The following SHISA9 variants were observed in gnomAD, a reference collection of about 807,000 sequenced individuals.
The protein encoded by SHISA9 is protein shisa-9.
In SHISA9, 13 loss-of-function variants were observed where a neutral mutation model predicts 38.0. The observed-to-expected ratio is 0.34, with a 90% CI of 0.22 to 0.54. SHISA9 has a LOEUF of 0.54. Ranked by LOEUF, SHISA9 falls within the 20% of genes least tolerant of loss-of-function variation. The pLI is 0.91. For missense variants in SHISA9, 538 were observed against 575.8 expected (o/e 0.93, Z 0.67); for synonymous variants, 275 against 242.0 (o/e 1.14, Z -1.27).
the SHISA9 span, among the ~76,000 whole-genome samples, chr16:13,534,708 C>G: frequency 6.6e-6 from 1 of 152,176 alleles, no homozygotes; most frequent in South Asian, 2.1e-4. Flanking sequence ...GGGAAACTCT[C>G]CTTCAGTCTT....
At chr16:12,965,612 G>A (rs997207044) in intron 2 of SHISA9, among the ~76,000 whole-genome samples, 5 of 152,182 alleles carry the variant, frequency 3.3e-5, no homozygotes, top group African/African-American at 9.6e-5. Flanking sequence ...CTTAGGAGGT[G>A]GCTGCTTTTT....
chr16:12,924,843 A>T (rs1596532047), intron 2 of SHISA9, among the ~76,000 whole-genome samples: 1 of 152,312 alleles, frequency 6.6e-6, no homozygotes, highest in Non-Finnish European at 1.5e-5. Flanking sequence ...TTTGCTGTGT[A>T]CTTGTTCACT....
the SHISA9 span, among the ~76,000 whole-genome samples, chr16:13,368,208 AG>A: frequency 9.7e-4 from 148 of 152,256 alleles, 1 homozygote; most frequent in African/African-American, 3.3e-3. Context: ...GTGAAATTGT[AG>A]GGATGATTTT....
chr16:13,220,210 C>G (rs1379949950), intron 4 of SHISA9, among the ~76,000 whole-genome samples: 1 of 152,186 alleles, frequency 6.6e-6, no homozygotes, highest in Non-Finnish European at 1.5e-5. Flanking sequence ...TTTCACCCAT[C>G]TCTCTGGGAG....
intron 2 of SHISA9, among the ~76,000 whole-genome samples, chr16:13,093,080 CT>C (rs968425924): frequency 1.2e-4 from 19 of 152,252 alleles, no homozygotes; most frequent in Admixed American, 6.5e-4. Context: ...AGGAATATAG[CT>C]TTGAAGTTTC....
intron 2 of SHISA9, among the ~76,000 whole-genome samples, chr16:13,067,056 T>C (rs2073443546): frequency 6.6e-6 from 1 of 152,242 alleles, no homozygotes; most frequent in South Asian, 2.1e-4. Flanking sequence ...AGGAAGGAAC[T>C]GTGGGAGCTA....
intron 2 of SHISA9, among the ~76,000 whole-genome samples, chr16:12,920,759 C>T (rs2071317639): frequency 6.6e-6 from 1 of 152,202 alleles, no homozygotes. Context: ...ACTAAGAAAT[C>T]AACGTGAGTA....
chr16:13,235,495 C>A lies in SHISA9; in HGVS notation c.*86C>A. ...CCGCCCACACCCTCCCCATCCTCCC[C>A]TAATACATGCGTCCACACACTCACT... On this transcript the variant is annotated 3_prime_UTR_variant, in exon 5 of 5. Coordinates refer to ENST00000558583, the MANE Select transcript of SHISA9 (RefSeq NM_001145204.3). 7.1e-7 allele frequency: 1 copy of A among 1,399,660 alleles called. No individual in the cohort carries two copies. Among genetic ancestry groups the A allele is most frequent in the Non-Finnish European group, 9.4e-7 (1 of 1,058,354 alleles). 86.7% of individuals were successfully genotyped at this position (1,399,660 alleles called of 1,614,324 possible). A position where few individuals can be genotyped will look rare whatever the true frequency, so the allele number is the denominator to read the frequency against.
At chr16:13,276,126 T>G in the SHISA9 span, among the ~76,000 whole-genome samples, 1 of 152,080 alleles carries the variant, frequency 6.6e-6, no homozygotes, top group Non-Finnish European at 1.5e-5. Context: ...CTTATGCTTT[T>G]GCATCCTTAT....
At chr16:13,265,582 C>T in the SHISA9 span, among the ~76,000 whole-genome samples, 1 of 133,308 alleles carries the variant, frequency 7.5e-6, no homozygotes, top group African/African-American at 2.8e-5. Context: ...ACCCCCTCCT[C>T]TTCCCTCCCC....
chr16:13,429,214 G>A, the SHISA9 span, among the ~76,000 whole-genome samples: 1 of 152,068 alleles, frequency 6.6e-6, no homozygotes, highest in African/African-American at 2.4e-5. Context: ...GAATATAGAG[G>A]AGCAAACTTA....
chr16:13,445,214 G>T, the SHISA9 span, among the ~76,000 whole-genome samples: 2 of 151,962 alleles, frequency 1.3e-5, no homozygotes, highest in African/African-American at 4.8e-5. Context: ...TTATGTGCTT[G>T]TCTCCCTCCT....
intron 2 of SHISA9, among the ~76,000 whole-genome samples, chr16:12,961,792 A>G (rs1481254023): frequency 1.3e-5 from 2 of 152,232 alleles, no homozygotes; most frequent in Non-Finnish European, 2.9e-5. Context: ...TCCTGTGAAC[A>G]GCGAGTTCCT....
chr16:13,369,394 T>C, the SHISA9 span, among the ~76,000 whole-genome samples: 1 of 152,190 alleles, frequency 6.6e-6, no homozygotes, highest in Non-Finnish European at 1.5e-5. Flanking sequence ...TAAATGAATC[T>C]ATATTCTTTT....
At chr16:13,558,518 C>A in the SHISA9 span, among the ~76,000 whole-genome samples, 1 of 152,108 alleles carries the variant, frequency 6.6e-6, no homozygotes. Flanking sequence ...CAATGCATAA[C>A]CTTGTTTTTT....
chr16:13,444,708 A>G, the SHISA9 span, among the ~76,000 whole-genome samples: 3 of 152,082 alleles, frequency 2.0e-5, no homozygotes, highest in South Asian at 6.2e-4. Context: ...ACCCTTGTGC[A>G]TTCTTCAAGA....
intron 1 of SHISA9, among the ~76,000 whole-genome samples, chr16:12,905,628 GT>G (rs1369808854): frequency 6.8e-6 from 1 of 147,964 alleles, no homozygotes; most frequent in Non-Finnish European, 1.5e-5. Flanking sequence ...GTCTCGCTCT[GT>G]CACCCAGGCT....
At chr16:13,559,544 A>C in the SHISA9 span, among the ~76,000 whole-genome samples, 1 of 151,768 alleles carries the variant, frequency 6.6e-6, no homozygotes, top group African/African-American at 2.4e-5. Context: ...TGTCTGGCTA[A>C]TTTTATATAT....
At chr16:13,054,144 C>T (rs1443959903) in intron 2 of SHISA9, among the ~76,000 whole-genome samples, 1 of 152,186 alleles carries the variant, frequency 6.6e-6, no homozygotes, top group Non-Finnish European at 1.5e-5. Context: ...GGACAGAAAC[C>T]ACAGCTGTGT....
Sources: allele counts gnomAD v4.1 joint callset (sites outside exome capture counted in the v4.1 genomes callset), GRCh38; gene constraint gnomAD v4.1.1; transcripts MANE v1.5; gene names NCBI Gene and HGNC (gene_info 2026-07-23, HGNC 2026-07-21).